AQP1: variants seen among roughly 807,000 people sequenced by gnomAD.
AQP1 encodes the protein aquaporin-1.
AQP1 carries 11 observed loss-of-function variants against 19.7 expected under a neutral mutation model. That is an observed-to-expected ratio of 0.56 (90% CI 0.35 to 0.92). The LOEUF (loss-of-function observed/expected upper bound fraction) is 0.92, where lower values mean the gene tolerates loss of function less well. AQP1 is among the 40% of genes least tolerant of loss of function. AQP1 has a pLI of 0.01. For missense variants in AQP1, 320 were observed against 369.7 expected (o/e 0.87, Z 1.10); for synonymous variants, 159 against 166.7 (o/e 0.95, Z 0.36).
At chr7:30,914,647 G>A in intron 1 of AQP1, among the ~76,000 whole-genome samples, 1 of 152,238 alleles carries the variant, frequency 6.6e-6, no homozygotes, top group East Asian at 1.9e-4. Context: ...GAGGAGCAGG[G>A]AACAGTCTGG....
At position 30,923,514 on chromosome 7, in the gene AQP1, C is replaced by T; in HGVS notation, c.695C>T (p.Ala232Val). 2 of 1,614,114 alleles carry T rather than the reference C, an allele frequency of 1.2e-6. No homozygotes were observed. The highest frequency in any genetic ancestry group is 8.5e-7 in the Non-Finnish European group (1 of 1,180,024). ...GTACTCATCTACGACTTCATCCTGG[C>T]CCCACGCAGCAGTGACCTCACAGAC... Reference protein sequence around the residue: ...LAVLIYDFILAPRSSDLTDRV... With the variant: ...LAVLIYDFILVPRSSDLTDRV... Residue 232 changes from alanine to valine, a missense_variant, in exon 4 of 4, where the codon GCC becomes GTC. Physicochemically the swap from Ala to Val is moderately conservative, Grantham distance 64. Coordinates refer to ENST00000311813, the MANE Select transcript of AQP1 (RefSeq NM_198098.4). This position sits in a 1 kb window ranked among gnomAD's most constrained non-coding sequence, Gnocchi z 4.8.
At chr7:30,919,089 T>A (rs1791429383) in intron 1 of AQP1, among the ~76,000 whole-genome samples, 1 of 152,198 alleles carries the variant, frequency 6.6e-6, no homozygotes, top group South Asian at 2.1e-4. Context: ...GGAGCCAGGC[T>A]GCCCCTAGCA....
chr7:30,920,190 C>T (rs1349297906), intron 1 of AQP1, among the ~76,000 whole-genome samples: 1 of 152,138 alleles, frequency 6.6e-6, no homozygotes, highest in Admixed American at 6.5e-5. Context: ...CCACTTACAG[C>T]GATGACTCCA....
intron 1 of AQP1, among the ~76,000 whole-genome samples, chr7:30,916,731 G>T (rs1039695332): frequency 2.6e-5 from 4 of 152,216 alleles, no homozygotes; most frequent in Non-Finnish European, 5.9e-5. Context: ...CTGCAATCTC[G>T]CTGTCAGGGC....
In AQP1 at chr7:30,923,246, AG is replaced by A. The variant is rs1379682748; in HGVS notation, c.631-202del. On this transcript the variant is annotated intron_variant, in intron 3 of 3. Coordinates refer to ENST00000311813, the MANE Select transcript of AQP1 (RefSeq NM_198098.4). This position sits in a 1 kb window ranked among gnomAD's most constrained non-coding sequence, Gnocchi z 4.8. ...GCCTGAGCTGGGCCCCACAGAGGCAAGGAGTTGACCCTACCACGTACTCTGG... is the reference window on the plus strand; with the variant it reads ...GCCTGAGCTGGGCCCCACAGAGGCAAGAGTTGACCCTACCACGTACTCTGG... 1.3e-5 allele frequency among the ~76,000 whole-genome samples: 2 copies of A among 152,244 alleles called. No individual in the cohort carries two copies. Among genetic ancestry groups the A allele is most frequent in the African/African-American group, 4.8e-5 (2 of 41,470 alleles).
At chr7:30,914,215 G>C (rs936073055) in intron 1 of AQP1, among the ~76,000 whole-genome samples, 1 of 152,200 alleles carries the variant, frequency 6.6e-6, no homozygotes, top group African/African-American at 2.4e-5. Context: ...GCAAATGGGA[G>C]AGAAAGAGGA....
At chr7:30,913,832 A>G (rs899144040) in intron 1 of AQP1, among the ~76,000 whole-genome samples, 8 of 132,866 alleles carry the variant, frequency 6.0e-5, no homozygotes, top group Admixed American at 1.6e-4. Flanking sequence ...CAGGCAGGCC[A>G]CATCAAGCTC....
intron 1 of AQP1, among the ~76,000 whole-genome samples, chr7:30,917,588 C>T (rs1371759815): frequency 1.3e-5 from 2 of 152,148 alleles, no homozygotes; most frequent in African/African-American, 4.8e-5. Context: ...CCAGAAGTGC[C>T]ATCAGACATA....
intron 1 of AQP1, among the ~76,000 whole-genome samples, chr7:30,919,102 G>A (rs1791429776): frequency 6.6e-6 from 1 of 152,182 alleles, no homozygotes; most frequent in Admixed American, 6.5e-5. Flanking sequence ...CCCTAGCAAG[G>A]GTGGGAGTTC....
intron 1 of AQP1, among the ~76,000 whole-genome samples, chr7:30,919,198 C>G (rs1234961562): frequency 1.3e-5 from 2 of 152,204 alleles, no homozygotes; most frequent in Non-Finnish European, 2.9e-5. Flanking sequence ...CAGAGGTCCC[C>G]CACTCTGTCT....
At position 30,923,595 on chromosome 7, in the gene AQP1, A is replaced by G. The variant is rs1791588290; in HGVS notation, c.776A>G (p.Asp259Gly). 6.2e-7 allele frequency: 1 copy of G among 1,613,732 alleles called. No individual in the cohort carries two copies. Among genetic ancestry groups the G allele is most frequent in the Admixed American group, 1.7e-5 (1 of 59,982 alleles). ...GAGGAGTATGACCTGGATGCCGACG[A>G]CATCAACTCCAGGGTGGAGATGAAG... ...QVEEYDLDAD[D>G]INSRVEMKPK The change falls in exon 4 of 4, where the codon GAC (aspartate) becomes GGC (glycine). Residue 259 changes from aspartate (D) to glycine (G), a missense_variant. Coordinates refer to ENST00000311813, the MANE Select transcript of AQP1 (RefSeq NM_198098.4). This position sits in a 1 kb window ranked among gnomAD's most constrained non-coding sequence, Gnocchi z 4.8.
rs1410828606 is a variant in AQP1 at position 30,912,539 on chromosome 7, T to TC, written c.384+250dup. ...CCAGAGAATAATGGTCTTGCCAATG[T>TC]CCCCTGCAGGGCATCTATTATGGGG... On this transcript the variant is annotated intron_variant, in intron 1 of 3. Coordinates refer to ENST00000311813, the MANE Select transcript of AQP1 (RefSeq NM_198098.4). This position sits in a 1 kb window ranked among gnomAD's most constrained non-coding sequence, Gnocchi z 4.3. Among the ~76,000 whole-genome samples the TC allele has an allele frequency of 6.6e-6, 1 of 152,174 alleles. No homozygotes were observed. Among genetic ancestry groups the TC allele is most frequent in the African/African-American group, 2.4e-5 (1 of 41,438 alleles).
rs1043084706 is a variant in AQP1, at chr7:30,921,355, C to T, written c.385-711C>T. 48 of 1,367,778 alleles carry T rather than the reference C, an allele frequency of 3.5e-5. No individual in the cohort carries two copies. The South Asian group carries it at 8.7e-4, about 25-fold the overall frequency. The allele number at this position is 1,367,778 out of a possible 1,614,324, so 84.7% of individuals were successfully genotyped here. On this transcript the variant is annotated intron_variant, in intron 1 of 3. Coordinates refer to ENST00000311813, the MANE Select transcript of AQP1 (RefSeq NM_198098.4). ...GACGGTGGTGGCGGGGCCTATCTGG[C>T]CAGGCAGAGGGAGGGTGAGGCTGAG...
At chr7:30,922,353 G>A in intron 2 of AQP1, 123 bp downstream of exon 2, 1 of 1,428,370 alleles carries the variant, frequency 7.0e-7, no homozygotes, top group Non-Finnish European at 9.5e-7. Flanking sequence ...GAGGATGGCG[G>A]GTCAGCGCTG....
At position 30,912,314 on chromosome 7, in the gene AQP1, C is replaced by T; in HGVS notation, c.384+21C>T. Reference sequence around the variant, plus strand: ...ATGACGTGAGTGGGGTGTCCCTGGGCTTGGGGGGGTTCTAGAATGATGCTG... The same window carrying T: ...ATGACGTGAGTGGGGTGTCCCTGGGTTTGGGGGGGTTCTAGAATGATGCTG... On this transcript the variant is annotated intron_variant, in intron 1 of 3. Transcript: ENST00000311813. This position sits in a 1 kb window ranked among gnomAD's most constrained non-coding sequence, Gnocchi z 4.3. 1 of 1,596,018 alleles carries T rather than the reference C, an allele frequency of 6.3e-7. No individual in the cohort carries two copies. Among genetic ancestry groups the T allele is most frequent in the Non-Finnish European group, 8.5e-7 (1 of 1,177,472 alleles).
In AQP1 at chr7:30,924,290, A is replaced by G. The variant is rs779662246; in HGVS notation, c.*661A>G. The stretch of plus-strand genomic sequence containing the variant: ...CTAAGTGCAAACACAGCATGGGTCC[A>G]GAAGACGTGGTCTAGACCAGGGCTG... On this transcript the variant is annotated 3_prime_UTR_variant, in exon 4 of 4. Transcript: ENST00000311813. 3 of 276,902 alleles carry G rather than the reference A, an allele frequency of 1.1e-5. No homozygotes were observed. Among genetic ancestry groups the G allele is most frequent in the Non-Finnish European group, 1.9e-5 (3 of 154,798 alleles). 17.2% of individuals were successfully genotyped at this position (276,902 alleles called of 1,614,324 possible). A position where few individuals can be genotyped will look rare whatever the true frequency, so the allele number is the denominator to read the frequency against.
Position 30,924,380 on chromosome 7 carries a change from A to C in AQP1, c.*751A>C, listed in dbSNP as rs754606739. 6.0e-6 allele frequency: 1 copy of C among 166,636 alleles called. No individual in the cohort carries two copies. Among genetic ancestry groups the C allele is most frequent in the Admixed American group, 5.7e-5 (1 of 17,644 alleles). The allele number at this position is 166,636 out of a possible 1,614,324, so 10.3% of individuals were successfully genotyped here. On this transcript the variant is annotated 3_prime_UTR_variant, in exon 4 of 4. Coordinates refer to ENST00000311813, the MANE Select transcript of AQP1 (RefSeq NM_198098.4). ...ACTGTCGCCACACGCCTCTGTGTAC[A>C]TGTGTGCAGAGCAGACAGGCTACAA...
intron 1 of AQP1, among the ~76,000 whole-genome samples, chr7:30,916,296 C>G (rs1791350136): frequency 6.6e-6 from 1 of 152,236 alleles, no homozygotes; most frequent in African/African-American, 2.4e-5. Flanking sequence ...CCCAGGCAAC[C>G]TTCTAGCAGC....
intron 1 of AQP1, among the ~76,000 whole-genome samples, chr7:30,917,920 A>C (rs1311451852): frequency 1.3e-5 from 2 of 151,854 alleles, no homozygotes; most frequent in Admixed American, 1.3e-4. Flanking sequence ...TAATTTTGTC[A>C]ATTTTCCCCT....
Sources: allele counts gnomAD v4.1 joint callset (sites outside exome capture counted in the v4.1 genomes callset), GRCh38; gene constraint gnomAD v4.1.1; non-coding constraint Gnocchi (gnomAD v3.1); transcripts MANE v1.5; gene names NCBI Gene and HGNC (gene_info 2026-07-23, HGNC 2026-07-21).